TMEM131L: variants seen among roughly 807,000 people sequenced by gnomAD.
TMEM131L encodes the protein transmembrane protein 131-like.
Under a neutral mutation model 192.2 loss-of-function variants are expected in TMEM131L, and 54 were observed. The ratio of observed to expected loss-of-function variants is 0.28; its 90% confidence interval spans 0.23 to 0.35. The LOEUF is 0.35. Ranked by LOEUF, TMEM131L falls within the 10% of genes least tolerant of loss-of-function variation. The pLI is 1.00. For synonymous variants in TMEM131L, 701 were observed against 704.9 expected, an observed-to-expected ratio of 0.99 and a Z score of 0.09; for missense variants, 1,888 against 1,972.9, an observed-to-expected ratio of 0.96 and a Z score of 0.82.
At position 153,610,536 on chromosome 4, in the gene TMEM131L, G is replaced by A. The variant is rs145701834; in HGVS notation, c.3419-1716G>A. Among the ~76,000 whole-genome samples, 17 of 152,274 alleles carry A rather than the reference G, an allele frequency of 1.1e-4. No homozygotes were observed. In the East Asian group the frequency reaches 1.9e-3, roughly 17 times the overall value. On this transcript the variant is annotated intron_variant, in intron 25 of 34. Transcript: ENST00000409959. ...AATATGTCCTGGTTGTACTTAAACCGTAAAAGCCTGCATTACTTTACAAGG... is the reference window on the plus strand; with the variant it reads ...AATATGTCCTGGTTGTACTTAAACCATAAAAGCCTGCATTACTTTACAAGG...
At chr4:153,582,420 G>GTTTTTTTGT (rs1730402406) in intron 9 of TMEM131L, among the ~76,000 whole-genome samples, 7 of 81,834 alleles carry the variant, frequency 8.6e-5, no homozygotes, top group African/African-American at 3.8e-4. Context: ...AATTTAAACC[G>GTTTTTTTGT]TTTTTTTTTG....
intron 3 of TMEM131L, among the ~76,000 whole-genome samples, chr4:153,523,146 C>A (rs1320001253): frequency 6.6e-6 from 1 of 152,166 alleles, no homozygotes; most frequent in Non-Finnish European, 1.5e-5. Context: ...AACTTTTGTG[C>A]CCTTAGAATT....
At chr4:153,631,184 G>C (rs1383796414) in intron 31 of TMEM131L, among the ~76,000 whole-genome samples, 1 of 152,238 alleles carries the variant, frequency 6.6e-6, no homozygotes, top group African/African-American at 2.4e-5. Context: ...AGTAGATGCT[G>C]TCTGATTTCA....
chr4:153,533,779 T>G (rs1449309338), intron 3 of TMEM131L, among the ~76,000 whole-genome samples: 1 of 152,204 alleles, frequency 6.6e-6, no homozygotes, highest in African/African-American at 2.4e-5. Context: ...GGATCCTATG[T>G]TTTTTGCATT....
intron 21 of TMEM131L, among the ~76,000 whole-genome samples, chr4:153,600,216 A>G (rs558899417): frequency 3.9e-5 from 6 of 152,144 alleles, no homozygotes; most frequent in African/African-American, 1.4e-4. Context: ...AATAAGAGAA[A>G]ATTAGCTAGG....
At chr4:153,476,673 G>A (rs1731562289) in intron 3 of TMEM131L, among the ~76,000 whole-genome samples, 1 of 151,926 alleles carries the variant, frequency 6.6e-6, no homozygotes, top group Non-Finnish European at 1.5e-5. Flanking sequence ...CTCCAGCCTG[G>A]GAGACAGATT....
intron 25 of TMEM131L, among the ~76,000 whole-genome samples, chr4:153,611,276 A>G (rs535669935): frequency 6.6e-6 from 1 of 152,314 alleles, no homozygotes; most frequent in Admixed American, 6.5e-5. Flanking sequence ...TTTCATCTTT[A>G]CAACTGTCAA....
chr4:153,622,506 A>G (rs1479543464), intron 28 of TMEM131L, among the ~76,000 whole-genome samples: 1 of 152,192 alleles, frequency 6.6e-6, no homozygotes, highest in East Asian at 1.9e-4. Context: ...CTTCCCATTC[A>G]TGTATCAATA....
At chr4:153,533,956 CT>C (rs1561166841) in intron 3 of TMEM131L, among the ~76,000 whole-genome samples, 1 of 152,078 alleles carries the variant, frequency 6.6e-6, no homozygotes, top group Non-Finnish European at 1.5e-5. Flanking sequence ...TCTATACATA[CT>C]TTTATTGTTT....
At chr4:153,527,286 G>A (rs1372387564) in intron 3 of TMEM131L, among the ~76,000 whole-genome samples, 1 of 151,778 alleles carries the variant, frequency 6.6e-6, no homozygotes, top group Non-Finnish European at 1.5e-5. Flanking sequence ...CTTTGTGGGG[G>A]GGCGGTGATG....
At chr4:153,576,355 C>A (rs1729940405) in intron 7 of TMEM131L, among the ~76,000 whole-genome samples, 1 of 152,124 alleles carries the variant, frequency 6.6e-6, no homozygotes, top group African/African-American at 2.4e-5. Flanking sequence ...GGTGCTAGAA[C>A]TCCCCCTTGT....
In TMEM131L at chr4:153,466,387, C is replaced by T. The variant is rs778104977; in HGVS notation, c.-11C>T. 12 of 1,305,856 alleles carry T rather than the reference C, an allele frequency of 9.2e-6. No homozygotes were observed. The South Asian group carries it at 1.5e-4, about 16-fold the overall frequency. The allele number at this position is 1,305,856 out of a possible 1,614,324, so 80.9% of individuals were successfully genotyped here. A position where few individuals can be genotyped will look rare whatever the true frequency, so the allele number is the denominator to read the frequency against. ...GCGCGGCGAGCAACGGAGAGGAGCG[C>T]GAGCAGCAGCATGGCGGGGCTCCGA... On this transcript the variant is annotated 5_prime_UTR_variant, in exon 1 of 35. Transcript: ENST00000409959.
At chr4:153,596,923 T>G (rs1386354326) in intron 20 of TMEM131L, among the ~76,000 whole-genome samples, 4 of 152,236 alleles carry the variant, frequency 2.6e-5, no homozygotes, top group Non-Finnish European at 5.9e-5. Context: ...TGTTTATTTT[T>G]TAATTGTTTT....
At chr4:153,542,852 C>G (rs918311095) in intron 3 of TMEM131L, among the ~76,000 whole-genome samples, 1 of 152,138 alleles carries the variant, frequency 6.6e-6, no homozygotes, top group East Asian at 1.9e-4. Flanking sequence ...TGGGATGCAT[C>G]CAGAAAGAGC....
At chr4:153,503,873 G>A (rs1271952556) in intron 3 of TMEM131L, among the ~76,000 whole-genome samples, 2 of 152,222 alleles carry the variant, frequency 1.3e-5, no homozygotes, top group African/African-American at 4.8e-5. Context: ...AATAAGGAAA[G>A]ACAATTAGAA....
In TMEM131L at chr4:153,530,716, G is replaced by A. The variant is rs537414423; in HGVS notation, c.240-19357G>A. Among the ~76,000 whole-genome samples the A allele has an allele frequency of 1.7e-3, 259 of 152,326 alleles. 3 individuals are homozygous for A. The highest frequency in any genetic ancestry group is 0.016 in the South Asian group (75 of 4,822). On this transcript the variant is annotated intron_variant, in intron 3 of 34. Transcript: ENST00000409959. ...CCACTGTTTGACTGAGTTGATATCT[G>A]ACATTGGACCAGCAGCAGTGACAGA... is the stretch of plus-strand genomic sequence containing the variant.
At chr4:153,578,630 C>T (rs1204845757) in intron 7 of TMEM131L, among the ~76,000 whole-genome samples, 2 of 151,994 alleles carry the variant, frequency 1.3e-5, no homozygotes, top group East Asian at 3.9e-4. Flanking sequence ...ACGCCATTCT[C>T]CTGCCTCAGC....
chr4:153,558,179 T>A (rs1295672441), intron 6 of TMEM131L, 79 bp from the exon 7 acceptor site: 1 of 688,020 alleles, frequency 1.5e-6, no homozygotes, highest in Non-Finnish European at 2.6e-6. Flanking sequence ...CAGATTTCCT[T>A]TGGAGACGTG....
chr4:153,527,877 C>A (rs899068223), intron 3 of TMEM131L, among the ~76,000 whole-genome samples: 1 of 152,192 alleles, frequency 6.6e-6, no homozygotes, highest in Admixed American at 6.5e-5. Flanking sequence ...TTTACTGCGA[C>A]CTGCCTCAGG....
Sources: gnomAD v4.1 joint callset for allele counts (sites outside exome capture counted in the v4.1 genomes callset) on GRCh38, gnomAD v4.1.1 for gene constraint, MANE v1.5 for transcripts, NCBI Gene and HGNC (gene_info 2026-07-23, HGNC 2026-07-21) for gene names.